PSPC1: variants seen among roughly 807,000 people sequenced by gnomAD.
The protein encoded by PSPC1 is paraspeckle protein 1.
PSPC1 carries 14 observed loss-of-function variants against 51.6 expected under a neutral mutation model. The ratio of observed to expected loss-of-function variants is 0.27; its 90% CI spans 0.18 to 0.42. PSPC1 has a LOEUF of 0.42. Among genes scored for constraint, PSPC1 ranks in the 10% least tolerant of loss-of-function variants. The probability of loss-of-function intolerance (pLI) is 1.00; values close to 1 mark genes in which losing one functional copy is unlikely to be tolerated. For missense variants in PSPC1, 406 were observed against 701.1 expected, an observed-to-expected ratio of 0.58 and a Z score of 4.75; for synonymous variants, 193 against 231.9, an observed-to-expected ratio of 0.83 and a Z score of 1.53.
chr13:19,708,879 T>C lies in PSPC1; in HGVS notation c.1216+663A>G, dbSNP rs118070428. ...AAACTATCAATTTCCAGTGTTCAAT[T>C]AGGACAGGCGAGGTGGCTCATGCCT... On this transcript the variant is annotated intron_variant, in intron 7 of 8. Coordinates refer to ENST00000338910, the MANE Select transcript of PSPC1 (RefSeq NM_001354909.2). Among the ~76,000 whole-genome samples the C allele has an allele frequency of 4.6e-3, 699 of 152,192 alleles. 1 individual carries two copies. Among genetic ancestry groups the C allele is most frequent in the Non-Finnish European group, 8.3e-3 (562 of 67,984 alleles).
chr13:19,671,983 CCT>C (rs1876156747), downstream of PSPC1: 2 of 1,150,098 alleles, frequency 1.7e-6, no homozygotes, highest in Non-Finnish European at 2.6e-6. Flanking sequence ...TGTCTGTAAA[CCT>C]CTTGCAGTTA....
In PSPC1 at chr13:19,695,885, A is replaced by G. The variant is rs191610973; in HGVS notation, c.1159-18062T>C. 1.4e-3 allele frequency among the ~76,000 whole-genome samples: 207 copies of G among 152,138 alleles called. 3 individuals carry two copies. Among genetic ancestry groups the G allele is most frequent in the African/African-American group, 4.7e-3 (194 of 41,514 alleles). On this transcript the variant is annotated intron_variant and NMD_transcript_variant, in intron 6 of 7. Coordinates refer to the PSPC1 transcript ENST00000471658. ...AACTGTGAAAAAGTCTGGTATCAAC[A>G]TATTTTTTTTAGAAGAGATAAAAAA...
chr13:19,707,957 T>C (rs1007352586), intron 7 of PSPC1, among the ~76,000 whole-genome samples: 2 of 152,192 alleles, frequency 1.3e-5, no homozygotes, highest in African/African-American at 4.8e-5. Context: ...TTGGACATCA[T>C]TATACTCAAT....
Position 19,712,159 on chromosome 13 carries a change from AAAAT to A in PSPC1, c.1159-2564_1159-2561del, listed in dbSNP as rs569082534. 4.1e-3 allele frequency among the ~76,000 whole-genome samples: 631 copies of A among 152,340 alleles called. 1 individual carries two copies. The highest frequency in any genetic ancestry group is 0.015 in the African/African-American group (611 of 41,586). ...TGGTTACACACCAGCACCATCGAGTAAAATACATGGATTTCATAGTCATGACTTT... is the reference window on the plus strand; with the variant it reads ...TGGTTACACACCAGCACCATCGAGTAACATGGATTTCATAGTCATGACTTT... On this transcript the variant is annotated intron_variant, in intron 6 of 8. Coordinates refer to ENST00000338910, the MANE Select transcript of PSPC1 (RefSeq NM_001354909.2).
chr13:19,694,928 T>C (rs1020356655), intron 6 of PSPC1, among the ~76,000 whole-genome samples: 7 of 152,248 alleles, frequency 4.6e-5, no homozygotes, highest in African/African-American at 1.7e-4. Context: ...CGCTACATGG[T>C]AAGATATTAT....
intron 6 of PSPC1, among the ~76,000 whole-genome samples, chr13:19,683,863 TG>T (rs545835075): frequency 2.6e-5 from 4 of 152,286 alleles, no homozygotes; most frequent in South Asian, 4.1e-4. Flanking sequence ...TAAGATTATA[TG>T]GTAACGTTTC....
At chr13:19,773,137 T>A (rs1268143693) in intron 1 of PSPC1, among the ~76,000 whole-genome samples, 2 of 151,892 alleles carry the variant, frequency 1.3e-5, no homozygotes, top group Non-Finnish European at 2.9e-5. Context: ...TCCAGCCTGG[T>A]GAACAGAGCA....
In PSPC1 at chr13:19,703,284, G is replaced by C; in HGVS notation, c.1463C>G (p.Pro488Arg). The change falls in exon 9 of 9, where the codon CCT becomes CGT. Residue 488 changes from proline (P) to arginine (R), a missense_variant. Coordinates refer to ENST00000338910, the MANE Select transcript of PSPC1 (RefSeq NM_001354909.2). The part of the protein sequence containing the change: ...PMGSRTGSET[P>R]QAPMSGVGPV... ...ACCTACACCACTCATTGGTGCTTGA[G>C]GGGTTTCAGAACCTGTTCTACTCCC... is the stretch of plus-strand genomic sequence containing the variant. 6.2e-7 allele frequency: 1 copy of C among 1,614,072 alleles called. No individual in the cohort carries two copies. The highest frequency in any genetic ancestry group is 8.5e-7 in the Non-Finnish European group (1 of 1,179,930).
chr13:19,682,395 A>G (rs927834457), intron 6 of PSPC1, among the ~76,000 whole-genome samples: 21 of 152,108 alleles, frequency 1.4e-4, no homozygotes, highest in Non-Finnish European at 1.3e-4. Context: ...TCAAATGGCA[A>G]TGAAACCACA....
At chr13:19,724,173 AG>A (rs1403728937) in intron 6 of PSPC1, among the ~76,000 whole-genome samples, 1 of 152,268 alleles carries the variant, frequency 6.6e-6, no homozygotes. Flanking sequence ...TAAAAACTGT[AG>A]AAAAAGAGGG....
At chr13:19,690,429 T>C (rs1878414867) in intron 6 of PSPC1, among the ~76,000 whole-genome samples, 1 of 152,228 alleles carries the variant, frequency 6.6e-6, no homozygotes, top group East Asian at 1.9e-4. Context: ...TTTGTGTTGG[T>C]TCTGGTTTTC....
downstream of PSPC1, among the ~76,000 whole-genome samples, chr13:19,700,017 TA>T (rs1227967843): frequency 6.6e-6 from 1 of 152,008 alleles, no homozygotes; most frequent in East Asian, 1.9e-4. Context: ...CATCTGACAC[TA>T]AATCTCAACC....
rs751341562 is a variant in PSPC1 at position 19,703,265 on chromosome 13, A to C, written c.1482T>G (p.Gly494=). Residue 494 remains glycine, a synonymous_variant, in exon 9 of 9, where the codon GGT becomes GGG. Transcript: ENST00000338910. ...CAGGACCACCACTCACAGGACCTAC[A>C]CCACTCATTGGTGCTTGAGGGGTTT... ...GSETPQAPMS[G]VGPVSGGPGG... The C allele has an allele frequency of 1.9e-6, 3 of 1,610,078 alleles. No homozygotes were observed. In the African/African-American group the frequency reaches 4.0e-5, roughly 22 times the overall value.
intron 6 of PSPC1, among the ~76,000 whole-genome samples, chr13:19,718,780 T>C (rs1208246465): frequency 1.1e-4 from 17 of 152,158 alleles, no homozygotes; most frequent in Admixed American, 4.6e-4. Flanking sequence ...ACCAAAATAT[T>C]ATTCAGTGCT....
downstream of PSPC1, chr13:19,672,961 T>C: frequency 2.5e-6 from 1 of 393,780 alleles, no homozygotes; most frequent in South Asian, 1.9e-5. Context: ...GAGGCTGAGG[T>C]GAAAGGATTG....
chr13:19,775,174 T>C (rs1382684867), intron 1 of PSPC1, among the ~76,000 whole-genome samples: 1 of 151,372 alleles, frequency 6.6e-6, no homozygotes, highest in Non-Finnish European at 1.5e-5. Flanking sequence ...CCGTCTCTAC[T>C]AAAAATACAA....
intron 8 of PSPC1, among the ~76,000 whole-genome samples, chr13:19,704,474 G>A (rs1320063796): frequency 1.3e-5 from 2 of 152,298 alleles, no homozygotes; most frequent in African/African-American, 4.8e-5. Context: ...ATTTACAACT[G>A]ATGACAGGTC....
intron 5 of PSPC1, among the ~76,000 whole-genome samples, chr13:19,731,736 T>C (rs905283463): frequency 6.6e-6 from 1 of 152,050 alleles, no homozygotes; most frequent in South Asian, 2.1e-4. Context: ...ATAGCCAACA[T>C]GATGTTTAAA....
At chr13:19,686,532 A>G (rs1877903657) in intron 6 of PSPC1, among the ~76,000 whole-genome samples, 2 of 152,208 alleles carry the variant, frequency 1.3e-5, no homozygotes, top group South Asian at 4.1e-4. Context: ...GATACACCAG[A>G]AATTAGTAAC....
Sources: gnomAD v4.1 joint callset for allele counts (sites outside exome capture counted in the v4.1 genomes callset) on GRCh38, gnomAD v4.1.1 for gene constraint, MANE v1.5 for transcripts, NCBI Gene and HGNC (gene_info 2026-07-23, HGNC 2026-07-21) for gene names.